CDH12: variants seen among roughly 807,000 people sequenced by gnomAD.
The protein encoded by CDH12 is cadherin-12.
In CDH12, 41 loss-of-function variants were observed where a neutral mutation model predicts 74.1. The observed-to-expected ratio is 0.55, with a 90% confidence interval of 0.43 to 0.72. The LOEUF (loss-of-function observed/expected upper bound fraction) is 0.72. Among genes scored for constraint, CDH12 ranks in the 30% least tolerant of loss-of-function variants. The pLI, the probability that CDH12 is intolerant of heterozygous loss-of-function variation, is 0.00. For missense variants in CDH12, 945 were observed against 977.2 expected (o/e 0.97, Z 0.44); for synonymous variants, 399 against 355.0 (o/e 1.12, Z -1.39).
intron 8 of CDH12, among the ~76,000 whole-genome samples, chr5:21,821,507 A>G (rs1436896169): frequency 6.6e-6 from 1 of 151,914 alleles, no homozygotes. Flanking sequence ...TTTTATCTTT[A>G]TGTAACAATA....
intron 4 of CDH12, among the ~76,000 whole-genome samples, chr5:22,115,065 C>A (rs1745012033): frequency 6.6e-6 from 1 of 152,096 alleles, no homozygotes; most frequent in African/African-American, 2.4e-5. Context: ...CCAGGGTAAT[C>A]TACATTCTCT....
chr5:22,620,893 C>A (rs962207619), intron 1 of CDH12, among the ~76,000 whole-genome samples: 5 of 152,078 alleles, frequency 3.3e-5, no homozygotes, highest in African/African-American at 4.8e-5. Flanking sequence ...GTTTTAGATG[C>A]GACAAATGAA....
At chr5:22,296,318 T>A (rs1737621726) in intron 3 of CDH12, among the ~76,000 whole-genome samples, 1 of 151,976 alleles carries the variant, frequency 6.6e-6, no homozygotes, top group Non-Finnish European at 1.5e-5. Context: ...ATAAAGAAAA[T>A]CAGAGACCTA....
intron 1 of CDH12, among the ~76,000 whole-genome samples, chr5:22,657,347 C>A (rs1740100964): frequency 6.6e-6 from 1 of 151,928 alleles, no homozygotes; most frequent in African/African-American, 2.4e-5. Context: ...TATACTTAGA[C>A]AAAAATCATC....
chr5:22,679,899 G>A (rs1016103052), intron 1 of CDH12, among the ~76,000 whole-genome samples: 10 of 152,144 alleles, frequency 6.6e-5, no homozygotes, highest in East Asian at 5.8e-4. Flanking sequence ...CTTTTTCTGC[G>A]TTTGCTATGT....
At chr5:21,993,686 A>G (rs1056741481) in intron 5 of CDH12, among the ~76,000 whole-genome samples, 2 of 152,134 alleles carry the variant, frequency 1.3e-5, no homozygotes, top group Non-Finnish European at 2.9e-5. Flanking sequence ...AAGAGCCTCA[A>G]GAGACGAACA....
intron 6 of CDH12, among the ~76,000 whole-genome samples, chr5:21,885,531 T>C (rs1411219771): frequency 6.6e-6 from 1 of 152,168 alleles, no homozygotes; most frequent in Admixed American, 6.5e-5. Flanking sequence ...CAAACACAAT[T>C]TGTAGATAGC....
At chr5:22,449,522 CT>C (rs2126559228) in intron 2 of CDH12, among the ~76,000 whole-genome samples, 1 of 152,082 alleles carries the variant, frequency 6.6e-6, no homozygotes, top group South Asian at 2.1e-4. Context: ...CTACAGACTC[CT>C]TACATAAAAT....
chr5:22,553,585 T>C (rs1169063638), intron 1 of CDH12, among the ~76,000 whole-genome samples: 1 of 152,062 alleles, frequency 6.6e-6, no homozygotes, highest in African/African-American at 2.4e-5. Flanking sequence ...AAGATCTATA[T>C]GAAAAAAAAC....
At chr5:22,206,469 A>T (rs1401582145) in intron 4 of CDH12, among the ~76,000 whole-genome samples, 8 of 152,020 alleles carry the variant, frequency 5.3e-5, no homozygotes, top group Non-Finnish European at 1.2e-4. Context: ...ATATGTCTCA[A>T]ACTGTGGTTC....
At chr5:22,837,882 G>A (rs1294873354) in intron 1 of CDH12, among the ~76,000 whole-genome samples, 1 of 152,198 alleles carries the variant, frequency 6.6e-6, no homozygotes, top group African/African-American at 2.4e-5. Context: ...TTGGAAGCCA[G>A]TGTGTAAAGG....
At chr5:21,892,093 A>G (rs1752926075) in intron 6 of CDH12, among the ~76,000 whole-genome samples, 1 of 152,154 alleles carries the variant, frequency 6.6e-6, no homozygotes, top group African/African-American at 2.4e-5. Flanking sequence ...ATAAAATAGT[A>G]TTTAAATTCT....
At chr5:22,675,870 C>T (rs1036824246) in intron 1 of CDH12, among the ~76,000 whole-genome samples, 11 of 92,154 alleles carry the variant, frequency 1.2e-4, no homozygotes, top group Admixed American at 2.6e-4. Context: ...TTTTGTATCT[C>T]ATATATATAT....
chr5:22,289,632 G>A (rs920077057), intron 3 of CDH12, among the ~76,000 whole-genome samples: 5 of 152,126 alleles, frequency 3.3e-5, no homozygotes, highest in Non-Finnish European at 5.9e-5. Context: ...CACAGTACCT[G>A]GTTGTAGCAC....
intron 4 of CDH12, among the ~76,000 whole-genome samples, chr5:22,187,413 C>A (rs1038962621): frequency 3.3e-5 from 5 of 152,188 alleles, no homozygotes; most frequent in African/African-American, 1.2e-4. Flanking sequence ...GAGTTCCCAG[C>A]AACTGAAAGT....
intron 6 of CDH12, among the ~76,000 whole-genome samples, chr5:21,894,620 C>T (rs1354024420): frequency 6.6e-6 from 1 of 151,976 alleles, no homozygotes; most frequent in South Asian, 2.1e-4. Flanking sequence ...GAAAGAAAAT[C>T]TTTCTTTATA....
rs545298103 is a variant in CDH12, at chr5:21,960,710, TAC to T, written c.526+14379_526+14380del. Among the ~76,000 whole-genome samples the T allele has an allele frequency of 3.7e-3, 564 of 152,014 alleles. 9 individuals carry two copies. The highest frequency in any genetic ancestry group is 0.013 in the African/African-American group (532 of 41,490). ...TATACAAATGACTTATACACACACA[TAC>T]ACACACGCACATACACACACACGTG... is the stretch of plus-strand genomic sequence containing the variant. On this transcript the variant is annotated intron_variant, in intron 6 of 14. Coordinates refer to ENST00000382254, the MANE Select transcript of CDH12 (RefSeq NM_004061.5).
chr5:22,250,519 G>A (rs1168357052), intron 3 of CDH12, among the ~76,000 whole-genome samples: 2 of 152,138 alleles, frequency 1.3e-5, no homozygotes, highest in Non-Finnish European at 2.9e-5. Context: ...TTCGCCACAT[G>A]CTATTTGTTA....
intron 3 of CDH12, among the ~76,000 whole-genome samples, chr5:22,224,571 T>G (rs1484450938): frequency 1.3e-5 from 2 of 152,062 alleles, no homozygotes; most frequent in Non-Finnish European, 2.9e-5. Context: ...TGTAGGTACG[T>G]ATGTAGTTTT....
Sources: allele counts gnomAD v4.1 joint callset (sites outside exome capture counted in the v4.1 genomes callset), GRCh38; gene constraint gnomAD v4.1.1; transcripts MANE v1.5; gene names NCBI Gene and HGNC (gene_info 2026-07-23, HGNC 2026-07-21).